Variants in EPM2A observed in about 807,000 individuals in gnomAD.
EPM2A encodes the protein laforin.
In EPM2A, 21 loss-of-function variants were observed where a neutral mutation model predicts 26.5. That is an observed-to-expected ratio of 0.79 (90% CI 0.56 to 1.14). The LOEUF (loss-of-function observed/expected upper bound fraction) is 1.14. Among genes scored for constraint, EPM2A ranks in the 50% most tolerant of loss-of-function variants. The pLI is 0.00. For synonymous variants in EPM2A, 217 were observed against 177.6 expected, an observed-to-expected ratio of 1.22 and a Z score of -1.76; for missense variants, 458 against 440.8, an observed-to-expected ratio of 1.04 and a Z score of -0.35.
intron 2 of EPM2A, among the ~76,000 whole-genome samples, chr6:145,594,183 A>C (rs1005845709): frequency 6.6e-6 from 1 of 151,910 alleles, no homozygotes; most frequent in South Asian, 2.1e-4. Context: ...CCAGTACCTT[A>C]AAAGACATAA....
intron 4 of EPM2A, among the ~76,000 whole-genome samples, chr6:145,404,934 C>T (rs1470369487): frequency 2.0e-5 from 3 of 152,042 alleles, no homozygotes; most frequent in Non-Finnish European, 4.4e-5. Context: ...TTTTTCTTTC[C>T]TAAAAGATGT....
At chr6:145,568,420 A>G (rs1780912456) in intron 2 of EPM2A, among the ~76,000 whole-genome samples, 1 of 150,750 alleles carries the variant, frequency 6.6e-6, no homozygotes, top group Non-Finnish European at 1.5e-5. Flanking sequence ...CCTGGGTTCC[A>G]GCGATTCTCC....
At chr6:145,539,946 G>T (rs1290991879) in intron 2 of EPM2A, among the ~76,000 whole-genome samples, 1 of 152,126 alleles carries the variant, frequency 6.6e-6, no homozygotes, top group Non-Finnish European at 1.5e-5. Context: ...CAGGGCCAGG[G>T]ATTAGGCAAC....
chr6:145,533,036 A>G (rs914111214), intron 2 of EPM2A, among the ~76,000 whole-genome samples: 4 of 152,144 alleles, frequency 2.6e-5, no homozygotes, highest in African/African-American at 9.7e-5. Flanking sequence ...ACATGATCAT[A>G]TTGATGTCTA....
intron 2 of EPM2A, among the ~76,000 whole-genome samples, chr6:145,596,795 TTCTC>T (rs1460959769): frequency 6.6e-6 from 1 of 152,018 alleles, no homozygotes; most frequent in African/African-American, 2.4e-5. Context: ...TTGGACTAGA[TTCTC>T]TCTAAGCCTT....
chr6:145,656,813 A>G (rs1332667954), intron 2 of EPM2A, among the ~76,000 whole-genome samples: 2 of 152,190 alleles, frequency 1.3e-5, no homozygotes, highest in Admixed American at 6.5e-5. Context: ...TGCTGGAAAA[A>G]TTCTTGATTT....
chr6:145,467,192 TC>T (rs1353969635), intron 4 of EPM2A, among the ~76,000 whole-genome samples: 1 of 152,050 alleles, frequency 6.6e-6, no homozygotes, highest in Non-Finnish European at 1.5e-5. Context: ...CTCTTTATTT[TC>T]TAAACATAAT....
intron 4 of EPM2A, among the ~76,000 whole-genome samples, chr6:145,401,667 C>T (rs1055499193): frequency 4.6e-5 from 7 of 152,136 alleles, no homozygotes; most frequent in African/African-American, 1.7e-4. Flanking sequence ...CATCATTAGA[C>T]TTGATTGCAT....
At chr6:145,384,100 GA>G (rs11291083) in intron 4 of EPM2A, 56,708 of 149,500 alleles carry the variant, frequency 0.38, 10,869 homozygotes, top group South Asian at 0.46. Flanking sequence ...TATCTGGCCT[GA>G]AAAAAAAAAG....
At chr6:145,521,319 C>T (rs1283626689) in intron 2 of EPM2A, among the ~76,000 whole-genome samples, 1 of 151,412 alleles carries the variant, frequency 6.6e-6, no homozygotes, top group African/African-American at 2.4e-5. Flanking sequence ...ATTTTGAAAG[C>T]ATAAAAGAAG....
intron 1 of EPM2A, among the ~76,000 whole-genome samples, chr6:145,734,126 G>A (rs1562533109): frequency 6.6e-6 from 1 of 152,170 alleles, no homozygotes; most frequent in Non-Finnish European, 1.5e-5. Flanking sequence ...ACTCCCGAAT[G>A]TTCAAAGATA....
intron 4 of EPM2A, among the ~76,000 whole-genome samples, chr6:145,411,212 G>T (rs987163679): frequency 6.6e-6 from 1 of 152,126 alleles, no homozygotes; most frequent in Non-Finnish European, 1.5e-5. Flanking sequence ...AGTCACTTAT[G>T]ATCAGTAATC....
chr6:145,722,067 G>T (rs1775975004), intron 1 of EPM2A, among the ~76,000 whole-genome samples: 1 of 152,132 alleles, frequency 6.6e-6, no homozygotes, highest in South Asian at 2.1e-4. Context: ...ATTAACCCTG[G>T]TAAATGATGG....
At chr6:145,663,538 T>G (rs927089529) in intron 2 of EPM2A, among the ~76,000 whole-genome samples, 2 of 152,152 alleles carry the variant, frequency 1.3e-5, no homozygotes, top group East Asian at 3.9e-4. Flanking sequence ...CTACGTCTGA[T>G]TGGTGTACCT....
chr6:145,544,732 G>C (rs1316452144), intron 2 of EPM2A, among the ~76,000 whole-genome samples: 1 of 152,072 alleles, frequency 6.6e-6, no homozygotes, highest in East Asian at 1.9e-4. Flanking sequence ...AGTGGCTTTT[G>C]CTCAGATCAG....
intron 1 of EPM2A, among the ~76,000 whole-genome samples, chr6:145,727,584 A>G (rs1440441211): frequency 1.3e-5 from 2 of 152,118 alleles, no homozygotes; most frequent in Non-Finnish European, 2.9e-5. Context: ...CTATGTATCA[A>G]CTACAATTGC....
At chr6:145,543,713 T>G (rs960179115) in intron 2 of EPM2A, among the ~76,000 whole-genome samples, 11 of 152,184 alleles carry the variant, frequency 7.2e-5, no homozygotes, top group South Asian at 2.1e-4. Flanking sequence ...ACTAAGACAT[T>G]GACTGTATTG....
At chr6:145,434,218 A>G (rs1778959202) in intron 4 of EPM2A, among the ~76,000 whole-genome samples, 1 of 146,968 alleles carries the variant, frequency 6.8e-6, no homozygotes, top group Non-Finnish European at 1.5e-5. Context: ...TCTCTGAATG[A>G]TTTTCAATTT....
At chr6:145,732,643 T>C (rs569362364) in intron 1 of EPM2A, among the ~76,000 whole-genome samples, 32 of 152,248 alleles carry the variant, frequency 2.1e-4, no homozygotes, top group African/African-American at 7.5e-4. Context: ...AGTCCAAATA[T>C]GAAGTAAAAC....
Sources: gnomAD v4.1 joint callset for allele counts (sites outside exome capture counted in the v4.1 genomes callset) on GRCh38, gnomAD v4.1.1 for gene constraint, MANE v1.5 for transcripts, NCBI Gene and HGNC (gene_info 2026-07-23, HGNC 2026-07-21) for gene names.